VPS13C: variants seen among roughly 807,000 people sequenced by gnomAD.
The protein encoded by VPS13C is intermembrane lipid transfer protein VPS13C.
Under a neutral mutation model 456.8 loss-of-function variants are expected in VPS13C, and 358 were observed. That is an observed-to-expected ratio of 0.78 (90% CI 0.72 to 0.86). The LOEUF is 0.86. Among genes scored for constraint, VPS13C ranks in the 40% least tolerant of loss-of-function variants. The pLI, the probability that VPS13C is intolerant of heterozygous loss-of-function variation, is 0.00. For synonymous variants in VPS13C, 1,578 were observed against 1,486.7 expected (o/e 1.06, Z -1.41); for missense variants, 4,818 against 4,385.4 (o/e 1.10, Z -2.79).
chr15:61,906,333 C>G (rs1271474691), intron 66 of VPS13C, among the ~76,000 whole-genome samples: 3 of 152,154 alleles, frequency 2.0e-5, no homozygotes, highest in Non-Finnish European at 4.4e-5. Flanking sequence ...GCCTCATTCT[C>G]TAACACCAAA....
intron 12 of VPS13C, among the ~76,000 whole-genome samples, chr15:62,011,897 C>T (rs80187950): frequency 6.6e-6 from 1 of 151,962 alleles, no homozygotes; most frequent in Non-Finnish European, 1.5e-5. Flanking sequence ...TACAGCTATA[C>T]TGCCCTTCTC....
intron 28 of VPS13C, among the ~76,000 whole-genome samples, chr15:61,968,609 CAA>C (rs995145424): frequency 2.6e-5 from 4 of 152,066 alleles, no homozygotes; most frequent in African/African-American, 9.7e-5. Context: ...CCTGAGCAAA[CAA>C]TATATACACT....
At position 61,917,447 on chromosome 15, in the gene VPS13C, T is replaced by C; in HGVS notation, c.7949A>G (p.Tyr2650Cys). The stretch of plus-strand genomic sequence containing the variant: ...CCAGTCTTCCCCATGTGTACATATG[T>C]AGCTCAATTCATCAGGCAGAGCAAC... Reference protein sequence around the residue: ...NTVALPDELSYICTHGEDWDV... With the variant: ...NTVALPDELSCICTHGEDWDV... Residue 2650 changes from tyrosine to cysteine, a missense_variant, in exon 60 of 85, where the codon TAC (tyrosine) becomes TGC (cysteine). By Grantham distance (194) the Tyr-to-Cys change is radical. Transcript: ENST00000644861. 1 of 1,614,070 alleles carries C rather than the reference T, an allele frequency of 6.2e-7. No homozygotes were observed. Among genetic ancestry groups the C allele is most frequent in the Non-Finnish European group, 8.5e-7 (1 of 1,179,928 alleles).
rs779289033 is a variant in VPS13C, at chr15:61,954,496, A to AT, written c.4223dup (p.Asn1408LysfsTer11). On this transcript the variant is annotated frameshift_variant, in exon 38 of 85. Coordinates refer to ENST00000644861, the MANE Select transcript of VPS13C (RefSeq NM_020821.3). LOFTEE classifies it high-confidence loss of function. ...TTTCTTCCACTCCAGTTGTTAAAGTATTTTTTGAATCATGTACATCTTGTG... is the reference window on the plus strand; with the variant it reads ...TTTCTTCCACTCCAGTTGTTAAAGTATTTTTTTGAATCATGTACATCTTGTG... The AT allele has an allele frequency of 1.2e-6, 2 of 1,610,042 alleles. No homozygotes were observed. Among genetic ancestry groups the AT allele is most frequent in the Non-Finnish European group, 1.7e-6 (2 of 1,178,244 alleles).
chr15:61,987,747 A>G (rs2046099539), intron 18 of VPS13C, among the ~76,000 whole-genome samples: 2 of 152,210 alleles, frequency 1.3e-5, no homozygotes, highest in South Asian at 4.1e-4. Context: ...GGCAATATCA[A>G]ATGTGGTCAA....
Position 61,922,028 on chromosome 15 carries a change from G to A in VPS13C, c.6981C>T (p.His2327=), listed in dbSNP as rs771822065. Residue 2327 remains histidine, a synonymous_variant, in exon 55 of 85, where the codon CAC becomes CAT. Coordinates refer to ENST00000644861, the MANE Select transcript of VPS13C (RefSeq NM_020821.3). ...AAVADVTLQV[H]YYNEIHAVWE... ...AGACAGCATGGATCTCATTGTAATA[G>A]TGCACCTGGAAAGATACACACAAAA... 2.7e-5 allele frequency: 44 copies of A among 1,613,204 alleles called. No individual in the cohort carries two copies. Among genetic ancestry groups the A allele is most frequent in the Non-Finnish European group, 3.6e-5 (43 of 1,179,562 alleles).
intron 1 of VPS13C, among the ~76,000 whole-genome samples, chr15:62,054,453 A>G (rs186018502): frequency 3.6e-4 from 55 of 152,352 alleles, no homozygotes; most frequent in Non-Finnish European, 2.5e-4. Flanking sequence ...TTATCACTCA[A>G]TAGAAGATTG....
intron 66 of VPS13C, among the ~76,000 whole-genome samples, chr15:61,900,919 T>C (rs2042978098): frequency 1.3e-5 from 2 of 151,606 alleles, no homozygotes; most frequent in South Asian, 2.1e-4. Context: ...GAGATAAAGA[T>C]CAATGGAACA....
At chr15:61,903,371 C>G (rs1444373898) in intron 66 of VPS13C, among the ~76,000 whole-genome samples, 3 of 150,368 alleles carry the variant, frequency 2.0e-5, no homozygotes, top group Non-Finnish European at 4.4e-5. Flanking sequence ...TTTATGCCAA[C>G]AACAAACAAA....
chr15:62,032,891 G>C (rs1462439025), intron 5 of VPS13C, among the ~76,000 whole-genome samples: 1 of 151,502 alleles, frequency 6.6e-6, no homozygotes. Context: ...ACCAAACAAA[G>C]TCATCAGATT....
intron 78 of VPS13C, among the ~76,000 whole-genome samples, chr15:61,872,668 AAG>A (rs1164848858): frequency 6.6e-6 from 1 of 152,108 alleles, no homozygotes; most frequent in Non-Finnish European, 1.5e-5. Flanking sequence ...AACACACAGA[AAG>A]AGAACTGATG....
intron 2 of VPS13C, among the ~76,000 whole-genome samples, chr15:62,043,401 T>C (rs932095109): frequency 8.6e-5 from 13 of 151,954 alleles, no homozygotes; most frequent in South Asian, 4.2e-4. Flanking sequence ...AGGTCAGGAG[T>C]TGCAGACCAG....
At chr15:61,942,901 C>A (rs1381196176) in intron 45 of VPS13C, among the ~76,000 whole-genome samples, 1 of 152,032 alleles carries the variant, frequency 6.6e-6, no homozygotes, top group Non-Finnish European at 1.5e-5. Context: ...CTGGAACTGA[C>A]ATACAACTTT....
chr15:62,003,375 C>T, intron 15 of VPS13C, among the ~76,000 whole-genome samples: 1 of 151,720 alleles, frequency 6.6e-6, no homozygotes, highest in Non-Finnish European at 1.5e-5. Flanking sequence ...ATTTTGTATC[C>T]TGAGACTTTG....
At chr15:61,925,688 A>T (rs914698967) in intron 52 of VPS13C, 140 bp from the exon 53 acceptor site, 4 of 476,976 alleles carry the variant, frequency 8.4e-6, no homozygotes, top group Non-Finnish European at 1.4e-5. Flanking sequence ...GCAAAAATAA[A>T]TTAGCTGAGA....
rs373716577 is a variant in VPS13C at position 61,909,128 on chromosome 15, A to G, written c.8845-3T>C. On this transcript the variant is annotated splice_region_variant and splice_polypyrimidine_tract_variant and intron_variant, in intron 64 of 84. Transcript: ENST00000644861. ...ACATCCACCAAGATACCCCCATTCT[A>G]TTGTAGAAAAAAAAAAAGTATGTTT... 5.7e-6 allele frequency: 9 copies of G among 1,588,952 alleles called. No homozygotes were observed. The African/African-American group carries it at 8.5e-5, about 15-fold the overall frequency.
chr15:62,012,902 T>C (rs987479353), intron 11 of VPS13C, 137 bp downstream of exon 11: 1 of 520,360 alleles, frequency 1.9e-6, no homozygotes, highest in Non-Finnish European at 3.2e-6. Context: ...TTTGAAAGGA[T>C]GTTTTTCATA....
intron 16 of VPS13C, among the ~76,000 whole-genome samples, chr15:61,997,575 G>C (rs1447998034): frequency 6.6e-6 from 1 of 152,032 alleles, no homozygotes; most frequent in Non-Finnish European, 1.5e-5. Flanking sequence ...TCTCACTCAA[G>C]CTTGTTCTCT....
chr15:61,868,309 G>T (rs1334575099), intron 81 of VPS13C, among the ~76,000 whole-genome samples: 1 of 151,872 alleles, frequency 6.6e-6, no homozygotes, highest in African/African-American at 2.4e-5. Flanking sequence ...AAATTAATTT[G>T]GTTGGGAGAA....
Sources: gnomAD v4.1 joint callset for allele counts (sites outside exome capture counted in the v4.1 genomes callset) on GRCh38, gnomAD v4.1.1 for gene constraint, MANE v1.5 for transcripts, NCBI Gene and HGNC (gene_info 2026-07-23, HGNC 2026-07-21) for gene names.